Variants in USP37 observed in about 807,000 individuals in gnomAD.
USP37 encodes the protein ubiquitin specific peptidase 37, also known as ubiquitin carboxyl-terminal hydrolase 37.
USP37 carries 27 observed loss-of-function variants against 124.0 expected under a neutral mutation model. The observed-to-expected ratio is 0.22, with a 90% CI of 0.16 to 0.30. USP37 has a LOEUF of 0.30. Among genes scored for constraint, USP37 ranks in the 10% least tolerant of loss-of-function variants. The probability of loss-of-function intolerance (pLI) is 1.00; values close to 1 mark genes in which losing one functional copy is unlikely to be tolerated. For synonymous variants in USP37, 365 were observed against 388.0 expected, an observed-to-expected ratio of 0.94 and a Z score of 0.70; for missense variants, 889 against 1,140.4, an observed-to-expected ratio of 0.78 and a Z score of 3.17.
rs1338834014 is a variant in USP37 at position 218,478,786 on chromosome 2, T to A, written c.1901+864A>T. Reference sequence around the variant, plus strand: ...GCAGCCAAGTGGTATTGCTCATTTGTATCTTGAGAACGGGCAAGAGTATTC... The same window carrying A: ...GCAGCCAAGTGGTATTGCTCATTTGAATCTTGAGAACGGGCAAGAGTATTC... On this transcript the variant is annotated intron_variant, in intron 18 of 25. Transcript: ENST00000258399. Among the ~76,000 whole-genome samples, 5 of 152,220 alleles carry A rather than the reference T, an allele frequency of 3.3e-5. No homozygotes were observed. The East Asian group carries it at 7.7e-4, about 23-fold the overall frequency.
chr2:218,504,181 C>T (rs59213210), intron 11 of USP37, among the ~76,000 whole-genome samples: 1 of 152,042 alleles, frequency 6.6e-6, no homozygotes, highest in East Asian at 1.9e-4. Flanking sequence ...GGTTTCTGGC[C>T]TAATATACAA....
intron 20 of USP37, 120 bp from the exon 21 acceptor site, chr2:218,466,296 G>A: frequency 1.8e-6 from 2 of 1,140,294 alleles, no homozygotes; most frequent in South Asian, 3.3e-5. Flanking sequence ...ATTTGCTTAG[G>A]ACATACAATT....
intron 23 of USP37, among the ~76,000 whole-genome samples, chr2:218,459,261 G>C (rs1307453641): frequency 2.0e-5 from 3 of 152,034 alleles, no homozygotes; most frequent in Non-Finnish European, 4.4e-5. Flanking sequence ...GAGTACAATG[G>C]CATAATCTTG....
intron 10 of USP37, among the ~76,000 whole-genome samples, chr2:218,518,284 TAAG>T (rs1156317519): frequency 6.6e-6 from 1 of 152,196 alleles, no homozygotes; most frequent in African/African-American, 2.4e-5. Flanking sequence ...TTTCACAGTT[TAAG>T]GTTTTCTACA....
chr2:218,526,806 T>TTGGGGG (rs1690994058), intron 10 of USP37, among the ~76,000 whole-genome samples: 1 of 144,792 alleles, frequency 6.9e-6, no homozygotes, highest in Non-Finnish European at 1.5e-5. Flanking sequence ...TTTTTTTTTT[T>TTGGGGG]GGGACGGAGT....
intron 9 of USP37, among the ~76,000 whole-genome samples, chr2:218,532,348 C>T (rs979409730): frequency 6.6e-6 from 1 of 151,932 alleles, no homozygotes; most frequent in African/African-American, 2.4e-5. Flanking sequence ...CGCCTGTAGT[C>T]CCAGCTACTC....
intron 10 of USP37, among the ~76,000 whole-genome samples, chr2:218,514,924 G>A (rs940991890): frequency 5.9e-5 from 9 of 151,746 alleles, no homozygotes; most frequent in Admixed American, 2.6e-4. Flanking sequence ...TTATCATTTC[G>A]TAACTATAAT....
intron 22 of USP37, among the ~76,000 whole-genome samples, chr2:218,462,194 G>A (rs779076226): frequency 6.6e-6 from 1 of 151,942 alleles, no homozygotes; most frequent in Non-Finnish European, 1.5e-5. Flanking sequence ...AATTAGCTGG[G>A]TGTGGTGGTG....
chr2:218,458,265 A>AAG, intron 23 of USP37, among the ~76,000 whole-genome samples: 1 of 145,066 alleles, frequency 6.9e-6, no homozygotes, highest in East Asian at 2.1e-4. Context: ...AAAAAAAAAA[A>AAG]AAAAAAAAAA....
At chr2:218,550,827 TTTAA>T (rs1692631212) in intron 5 of USP37, among the ~76,000 whole-genome samples, 1 of 152,074 alleles carries the variant, frequency 6.6e-6, no homozygotes, top group South Asian at 2.1e-4. Context: ...CTAGTTTTTT[TTTAA>T]TTGATTTGCA....
chr2:218,485,464 T>A (rs1316796120), intron 16 of USP37, among the ~76,000 whole-genome samples, 200 bp downstream of exon 16: 2 of 152,100 alleles, frequency 1.3e-5, no homozygotes. Flanking sequence ...ACCTTTCTTA[T>A]GCAAAAGCAT....
chr2:218,485,653 A>G lies in USP37; in HGVS notation c.1670+11T>C, dbSNP rs1359548268. On this transcript the variant is annotated intron_variant, in intron 16 of 25. Coordinates refer to ENST00000258399, the MANE Select transcript of USP37 (RefSeq NM_020935.3). Reference sequence around the variant, plus strand: ...TCCATAGCAAAAAAAAAAAAAAAAAAAAAAAATTACCTAGGAAGCCTGTTA... The same window carrying G: ...TCCATAGCAAAAAAAAAAAAAAAAAGAAAAAATTACCTAGGAAGCCTGTTA... 2 of 1,571,276 alleles carry G rather than the reference A, an allele frequency of 1.3e-6. No homozygotes were observed. Among genetic ancestry groups the G allele is most frequent in the East Asian group, 2.2e-5 (1 of 44,570 alleles).
At chr2:218,458,079 A>T (rs1288470984) in intron 23 of USP37, among the ~76,000 whole-genome samples, 2 of 150,768 alleles carry the variant, frequency 1.3e-5, no homozygotes, top group African/African-American at 4.9e-5. Flanking sequence ...AGAAAAAAAA[A>T]ATTGGGGGAA....
At position 218,549,141 on chromosome 2, in the gene USP37, T is replaced by C. The variant is rs933197030; in HGVS notation, c.429+668A>G. On this transcript the variant is annotated intron_variant, in intron 6 of 25. Coordinates refer to ENST00000258399, the MANE Select transcript of USP37 (RefSeq NM_020935.3). Reference sequence around the variant, plus strand: ...GTTATGTTCACTATGTTGATTATGATGACGATTTTAAGGACATATGTAAGT... The same window carrying C: ...GTTATGTTCACTATGTTGATTATGACGACGATTTTAAGGACATATGTAAGT... Among the ~76,000 whole-genome samples, 4 of 152,210 alleles carry C rather than the reference T, an allele frequency of 2.6e-5. No individual in the cohort carries two copies. In the East Asian group the frequency reaches 7.7e-4, roughly 29 times the overall value.
intron 14 of USP37, among the ~76,000 whole-genome samples, chr2:218,491,220 T>C (rs2105983774): frequency 6.6e-6 from 1 of 152,262 alleles, no homozygotes; most frequent in East Asian, 1.9e-4. Flanking sequence ...AAGAGAAGTC[T>C]GAAGTAAGCA....
At chr2:218,494,435 A>G (rs996867665) in intron 14 of USP37, among the ~76,000 whole-genome samples, 8 of 152,248 alleles carry the variant, frequency 5.3e-5, no homozygotes, top group African/African-American at 1.4e-4. Flanking sequence ...AAAGTAACAA[A>G]AAGTGTTAAT....
chr2:218,546,786 C>A, intron 7 of USP37, 133 bp downstream of exon 7: 1 of 1,011,916 alleles, frequency 9.9e-7, no homozygotes, highest in Non-Finnish European at 1.4e-6. Context: ...CTACATATGA[C>A]AAATACTTGT....
At chr2:218,468,256 G>A (rs1313626093) in intron 20 of USP37, among the ~76,000 whole-genome samples, 1 of 151,812 alleles carries the variant, frequency 6.6e-6, no homozygotes, top group Non-Finnish European at 1.5e-5. Flanking sequence ...CCAGACTGGA[G>A]TGCAAGGGCG....
chr2:218,455,863 T>C lies in USP37; in HGVS notation c.2714-145A>G. On this transcript the variant is annotated intron_variant, in intron 24 of 25. Coordinates refer to ENST00000258399, the MANE Select transcript of USP37 (RefSeq NM_020935.3). The stretch of plus-strand genomic sequence containing the variant: ...GAGTTTGAGACCAGCCTCACCAACA[T>C]GGTGAAGCCCCGTCTCTACTAAAAA... 4.9e-6 allele frequency: 4 copies of C among 816,406 alleles called. No homozygotes were observed. In the East Asian group the frequency reaches 1.2e-4, roughly 24 times the overall value. 50.6% of individuals were successfully genotyped at this position (816,406 alleles called of 1,614,324 possible). A position where few individuals can be genotyped will look rare whatever the true frequency, so the allele number is the denominator to read the frequency against.
Sources: allele counts gnomAD v4.1 joint callset (sites outside exome capture counted in the v4.1 genomes callset), GRCh38; gene constraint gnomAD v4.1.1; transcripts MANE v1.5; gene names NCBI Gene and HGNC (gene_info 2026-07-23, HGNC 2026-07-21).